The following TMEM41B variants were observed in gnomAD, a reference collection of about 807,000 sequenced individuals.
TMEM41B encodes the protein transmembrane protein 41B.
TMEM41B carries 18 observed loss-of-function variants against 31.9 expected under a neutral mutation model. The observed-to-expected ratio is 0.56, with a 90% CI of 0.39 to 0.84. TMEM41B has a LOEUF of 0.84. TMEM41B is among the 40% of genes least tolerant of loss of function. The pLI is 0.00. For synonymous variants in TMEM41B, 144 were observed against 124.3 expected, an observed-to-expected ratio of 1.16 and a Z score of -1.05; for missense variants, 322 against 348.0, an observed-to-expected ratio of 0.93 and a Z score of 0.59.
In TMEM41B at chr11:9,299,579, C is replaced by T; in HGVS notation, c.239+5G>A. ...CATTTTCAGTTTATCTCTCAGTATA[C>T]TTACTCACTAAGCTGAGGAAAATTT... On this transcript the variant is annotated splice_donor_5th_base_variant and intron_variant, in intron 2 of 6. Coordinates refer to ENST00000528080, the MANE Select transcript of TMEM41B (RefSeq NM_015012.4). 6.5e-7 allele frequency: 1 copy of T among 1,530,670 alleles called. No individual in the cohort carries two copies. The highest frequency in any genetic ancestry group is 9.0e-7 in the Non-Finnish European group (1 of 1,110,052). The allele number at this position is 1,530,670 out of a possible 1,614,324, so 94.8% of individuals were successfully genotyped here.
At chr11:9,291,646 CCG>C (rs1852962829) in intron 3 of TMEM41B, among the ~76,000 whole-genome samples, 1 of 151,788 alleles carries the variant, frequency 6.6e-6, no homozygotes, top group Non-Finnish European at 1.5e-5. Flanking sequence ...GTGATCCACC[CCG>C]CTTGGCCTCC....
intron 1 of TMEM41B, among the ~76,000 whole-genome samples, chr11:9,308,594 T>C (rs1590389824): frequency 6.6e-6 from 1 of 152,198 alleles, no homozygotes; most frequent in East Asian, 1.9e-4. Flanking sequence ...CAAATTCACT[T>C]TCTTCCTTCC....
rs138863982 is a variant in TMEM41B, at chr11:9,286,623, A to C, written c.568-30T>G. 70 of 1,569,482 alleles carry C rather than the reference A, an allele frequency of 4.5e-5. No individual in the cohort carries two copies. In the African/African-American group the frequency reaches 8.0e-4, roughly 18 times the overall value. ...CATAAGAAAGAAAAGAATTAGCATC[A>C]GATGAGGACAACTTCAAAATAAGTT... On this transcript the variant is annotated intron_variant, in intron 5 of 6. Coordinates refer to ENST00000528080, the MANE Select transcript of TMEM41B (RefSeq NM_015012.4).
At chr11:9,311,412 G>A in intron 1 of TMEM41B, 1 of 1,397,178 alleles carries the variant, frequency 7.2e-7, no homozygotes, top group Non-Finnish European at 1.0e-6. Flanking sequence ...AGGAGCCAAG[G>A]GACTCACAGG....
At chr11:9,301,187 A>G (rs1432598396) in intron 1 of TMEM41B, among the ~76,000 whole-genome samples, 2 of 151,978 alleles carry the variant, frequency 1.3e-5, no homozygotes, top group African/African-American at 4.8e-5. Flanking sequence ...CAAGGTCAGG[A>G]GATTGAGACC....
chr11:9,299,587 C>G lies in TMEM41B; in HGVS notation c.236G>C (p.Ser79Thr). The G allele has an allele frequency of 6.3e-7, 1 of 1,591,084 alleles. No individual in the cohort carries two copies. Among genetic ancestry groups the G allele is most frequent in the Non-Finnish European group, 8.6e-7 (1 of 1,162,082 alleles). ...FLVYKNFPQL[S>T]EEERVNMKVP... ...GTTTATCTCTCAGTATACTTACTCA[C>G]TAAGCTGAGGAAAATTTTTATATAC... is the stretch of plus-strand genomic sequence containing the variant. The change falls in exon 2 of 7, where the codon AGT becomes ACT. Residue 79 changes from serine (S) to threonine (T), a missense_variant. Ser to Thr is a moderately conservative substitution (Grantham distance 58, BLOSUM62 1). This residue lies in a region of TMEM41B where 183 missense variants were observed against 175.3 expected (regional missense o/e 1.04). Transcript: ENST00000528080.
chr11:9,298,693 A>G (rs1398985625), intron 2 of TMEM41B, among the ~76,000 whole-genome samples: 1 of 151,742 alleles, frequency 6.6e-6, no homozygotes, highest in Admixed American at 6.6e-5. Flanking sequence ...TCAACTCAGG[A>G]GAGGAGGCAG....
intron 3 of TMEM41B, among the ~76,000 whole-genome samples, chr11:9,294,907 A>C (rs1463374011): frequency 6.6e-6 from 1 of 152,072 alleles, no homozygotes; most frequent in African/African-American, 2.4e-5. Context: ...TACTATGGTG[A>C]CTACTAATTC....
chr11:9,311,756 C>T (rs1853567446), intron 1 of TMEM41B: 4 of 633,476 alleles, frequency 6.3e-6, no homozygotes, highest in African/African-American at 3.7e-5. Flanking sequence ...AGCTTCTTAA[C>T]TAGTTTCACC....
At chr11:9,286,622 C>A in intron 5 of TMEM41B, 29 bp from the exon 6 acceptor site, 2 of 1,566,538 alleles carry the variant, frequency 1.3e-6, no homozygotes, top group South Asian at 1.2e-5. Flanking sequence ...GAATTAGCAT[C>A]AGATGAGGAC....
chr11:9,303,390 T>C (rs1165822547), intron 1 of TMEM41B, among the ~76,000 whole-genome samples: 2 of 152,122 alleles, frequency 1.3e-5, no homozygotes, highest in Admixed American at 6.6e-5. Flanking sequence ...TCTGCCCACC[T>C]CGGCCTACCA....
At position 9,281,363 on chromosome 11, in the gene TMEM41B, A is replaced by T. The variant is rs548971421; in HGVS notation, c.*2061T>A. 6.6e-6 allele frequency: 1 copy of T among 152,294 alleles called. No individual in the cohort carries two copies. Among genetic ancestry groups the T allele is most frequent in the Non-Finnish European group, 1.5e-5 (1 of 68,026 alleles). 9.4% of individuals were successfully genotyped at this position (152,294 alleles called of 1,614,324 possible). A position where few individuals can be genotyped will look rare whatever the true frequency, so the allele number is the denominator to read the frequency against. ...CTTGCTAGAAATAATAAATAATCTCACGCAAAAGGCCAGGTGACATAAGAA... is the reference window on the plus strand; with the variant it reads ...CTTGCTAGAAATAATAAATAATCTCTCGCAAAAGGCCAGGTGACATAAGAA... On this transcript the variant is annotated 3_prime_UTR_variant, in exon 7 of 7. Coordinates refer to ENST00000528080, the MANE Select transcript of TMEM41B (RefSeq NM_015012.4).
chr11:9,284,776 A>AAAAAG (rs112683742), intron 6 of TMEM41B, among the ~76,000 whole-genome samples: 25 of 151,348 alleles, frequency 1.7e-4, no homozygotes, highest in South Asian at 8.3e-4. Context: ...AAGAGAAAAA[A>AAAAAG]AAAGAAAGAA....
At position 9,287,716 on chromosome 11, in the gene TMEM41B, T is replaced by G; in HGVS notation, c.553A>C (p.Lys185Gln). 1 of 1,610,036 alleles carries G rather than the reference T, an allele frequency of 6.2e-7. No individual in the cohort carries two copies. Among genetic ancestry groups the G allele is most frequent in the Non-Finnish European group, 8.5e-7 (1 of 1,178,462 alleles). Residue 185 changes from lysine (K) to glutamine (Q), a missense_variant, in exon 5 of 7, where the codon AAA becomes CAA. Physicochemically the swap from Lys to Gln is moderately conservative, Grantham distance 53 (BLOSUM62 1). This residue lies in a region of TMEM41B where 47 missense variants were observed against 84.8 expected (regional missense o/e 0.55). Transcript: ENST00000528080. Reference sequence around the variant, plus strand: ...TACATGTTTACCTGCTGTGACCATTTTACTGCTTTCTCTGTTAGGTATTTG... The same window carrying G: ...TACATGTTTACCTGCTGTGACCATTGTACTGCTTTCTCTGTTAGGTATTTG... The part of the protein sequence containing the change: ...VYKYLTEKAV[K>Q]WSQQVERHRE...
intron 1 of TMEM41B, among the ~76,000 whole-genome samples, chr11:9,309,301 C>G (rs890029820): frequency 5.3e-5 from 8 of 151,928 alleles, no homozygotes; most frequent in African/African-American, 1.9e-4. Context: ...CAACTGGCTC[C>G]AGCCTGATGC....
chr11:9,309,256 G>A (rs2133651026), intron 1 of TMEM41B, among the ~76,000 whole-genome samples: 1 of 142,552 alleles, frequency 7.0e-6, no homozygotes, highest in South Asian at 2.2e-4. Flanking sequence ...CAAAAAAAAA[G>A]AAAGAAAGAA....
At chr11:9,295,204 T>G in intron 3 of TMEM41B, 55 bp downstream of exon 3, 1 of 1,421,880 alleles carries the variant, frequency 7.0e-7, no homozygotes, top group African/African-American at 1.5e-5. Context: ...AGAGCAGACC[T>G]TTTACACTTT....
intron 5 of TMEM41B, among the ~76,000 whole-genome samples, chr11:9,287,070 T>A (rs7927382): frequency 6.6e-6 from 1 of 151,906 alleles, no homozygotes; most frequent in Non-Finnish European, 1.5e-5. Context: ...CTTTGGGAGG[T>A]TGAGGCAGGT....
At chr11:9,310,352 G>A (rs756413003) in intron 1 of TMEM41B, among the ~76,000 whole-genome samples, 2 of 151,246 alleles carry the variant, frequency 1.3e-5, no homozygotes, top group East Asian at 1.9e-4. Context: ...TACATGACCC[G>A]GTATACACAA....
Sources: allele counts gnomAD v4.1 joint callset (sites outside exome capture counted in the v4.1 genomes callset), GRCh38; gene constraint gnomAD v4.1.1; regional missense constraint gnomAD v4.1.1; transcripts MANE v1.5; gene names NCBI Gene and HGNC (gene_info 2026-07-23, HGNC 2026-07-21).